The following NQO2 variants were observed in gnomAD, a reference collection of about 807,000 sequenced individuals.
NQO2 encodes the protein ribosyldihydronicotinamide dehydrogenase [quinone].
A neutral mutation model predicts 22.0 loss-of-function variants in NQO2; 18 were observed. The ratio of observed to expected loss-of-function variants is 0.82; its 90% CI spans 0.56 to 1.21. The LOEUF is 1.21. Among genes scored for constraint, NQO2 ranks in the 50% most tolerant of loss-of-function variants. The pLI is 0.00. For missense variants in NQO2, 267 were observed against 286.9 expected (o/e 0.93, Z 0.50); for synonymous variants, 106 against 110.8 (o/e 0.96, Z 0.28).
intron 3 of NQO2, 82 bp from the exon 4 acceptor site, chr6:3,012,462 T>A (rs1014381722): frequency 6.3e-6 from 10 of 1,582,206 alleles, no homozygotes; most frequent in Non-Finnish European, 7.7e-6. Context: ...AGGAGTCCGG[T>A]ATACACAGTG....
chr6:3,012,792 C>T (rs1757182024), intron 4 of NQO2, 118 bp downstream of exon 4: 1 of 1,010,322 alleles, frequency 9.9e-7, no homozygotes, highest in East Asian at 2.6e-5. Context: ...CACAGTTGCA[C>T]ACTTACTGAG....
Position 3,004,748 on chromosome 6 carries a change from C to T in NQO2, c.-85-1720C>T, listed in dbSNP as rs115765433. 3,773 of 540,622 alleles carry T rather than the reference C, an allele frequency of 7.0e-3. 64 individuals carry two copies. The highest frequency in any genetic ancestry group is 0.046 in the African/African-American group (2,234 of 48,884). 33.5% of individuals were successfully genotyped at this position (540,622 alleles called of 1,614,324 possible). On this transcript the variant is annotated intron_variant, in intron 1 of 6. Coordinates refer to ENST00000380455, the MANE Select transcript of NQO2 (RefSeq NM_000904.6). ...CGTTGTCGTTTGGACACAACATGCGCGATGCGTGTCTTCACACTAAGCCCT... is the reference window on the plus strand; with the variant it reads ...CGTTGTCGTTTGGACACAACATGCGTGATGCGTGTCTTCACACTAAGCCCT...
intron 4 of NQO2, 145 bp downstream of exon 4, chr6:3,012,819 G>C: frequency 1.3e-6 from 1 of 770,898 alleles, no homozygotes; most frequent in Non-Finnish European, 2.0e-6. Context: ...TTGTAACCTG[G>C]TTACAACACC....
At position 2,999,922 on chromosome 6, in the gene NQO2, C is replaced by G. The variant is rs1315377389; in HGVS notation, c.-249C>G. On this transcript the variant is annotated 5_prime_UTR_variant, in exon 1 of 7. Coordinates refer to ENST00000380455, the MANE Select transcript of NQO2 (RefSeq NM_000904.6). ...GGTTCCGGGCTGCTTAGGTTGGCAC[C>G]GGTCCGTGGTCCCCGGGGGCGCAGT... 2 of 152,326 alleles carry G rather than the reference C, an allele frequency of 1.3e-5. No homozygotes were observed. The highest frequency in any genetic ancestry group is 1.9e-4 in the East Asian group (1 of 5,186). The allele number at this position is 152,326 out of a possible 1,614,324, so 9.4% of individuals were successfully genotyped here.
At chr6:3,017,079 T>C (rs912623358) in intron 6 of NQO2, 94 bp downstream of exon 6, 5 of 1,411,292 alleles carry the variant, frequency 3.5e-6, no homozygotes, top group African/African-American at 1.4e-5. Context: ...CGCACACACA[T>C]ACATGCCCTC....
chr6:3,001,874 G>T (rs1245643302), intron 1 of NQO2, among the ~76,000 whole-genome samples: 1 of 152,196 alleles, frequency 6.6e-6, no homozygotes, highest in African/African-American at 2.4e-5. Flanking sequence ...TGTGGATGGG[G>T]TGCCAAGGGA....
At chr6:3,008,998 C>T (rs1203112704) in intron 2 of NQO2, among the ~76,000 whole-genome samples, 5 of 152,130 alleles carry the variant, frequency 3.3e-5, no homozygotes, top group African/African-American at 9.7e-5. Context: ...GTTTTGGGCA[C>T]CATTGTCATT....
chr6:3,012,944 T>A (rs1476905233), intron 4 of NQO2, among the ~76,000 whole-genome samples: 1 of 122,304 alleles, frequency 8.2e-6, no homozygotes, highest in African/African-American at 3.1e-5. Context: ...GATGTAACAC[T>A]ACTTTTTTTT....
rs563477953 is a variant in NQO2 at position 3,004,044 on chromosome 6, A to G, written c.-85-2424A>G. 322 of 155,726 alleles carry G rather than the reference A, an allele frequency of 2.1e-3. 3 individuals carry two copies. The highest frequency in any genetic ancestry group is 3.9e-3 in the Non-Finnish European group (277 of 71,292). The allele number at this position is 155,726 out of a possible 1,614,324, so 9.6% of individuals were successfully genotyped here. A position where few individuals can be genotyped will look rare whatever the true frequency, so the allele number is the denominator to read the frequency against. ...ACAAGAAGGCTGACTGAGCCCTAAC[A>G]TCATCCCACAGTCCAGCTGGGAAGA... On this transcript the variant is annotated intron_variant, in intron 1 of 6. Coordinates refer to ENST00000380455, the MANE Select transcript of NQO2 (RefSeq NM_000904.6).
At chr6:3,016,646 C>A in intron 5 of NQO2, 1 of 624,916 alleles carries the variant, frequency 1.6e-6, no homozygotes, top group Non-Finnish European at 2.0e-6. Flanking sequence ...AGGTTTCCAC[C>A]AGCAACCTGG....
chr6:3,014,538 C>T (rs1031801651), intron 4 of NQO2, among the ~76,000 whole-genome samples: 1 of 152,220 alleles, frequency 6.6e-6, no homozygotes, highest in Non-Finnish European at 1.5e-5. Flanking sequence ...ACTCCCATAA[C>T]CCGGTGGCTG....
intron 5 of NQO2, 148 bp downstream of exon 5, chr6:3,015,791 A>C: frequency 1.4e-6 from 1 of 730,772 alleles, no homozygotes; most frequent in South Asian, 1.9e-5. Context: ...CATGTGCTGC[A>C]CACGGGTGGA....
intron 3 of NQO2, among the ~76,000 whole-genome samples, chr6:3,011,005 G>A (rs1264794728): frequency 6.6e-6 from 1 of 151,752 alleles, no homozygotes; most frequent in Non-Finnish European, 1.5e-5. Flanking sequence ...GCAAATATAT[G>A]TAATAAAAAT....
rs538337212 is a variant in NQO2 at position 3,019,517 on chromosome 6, C to T, written c.558C>T (p.Ala186=). Reference sequence around the variant, plus strand: ...ACTTCTGTGGATTTAAAGTCCTTGCCCCTCAGATCAGCTTTGCTCCTGAAA... The same window carrying T: ...ACTTCTGTGGATTTAAAGTCCTTGCTCCTCAGATCAGCTTTGCTCCTGAAA... ...TLHFCGFKVL[A]PQISFAPEIA... is the part of the protein sequence containing the mutation. The change falls in exon 7 of 7, where the codon GCC becomes GCT. Residue 186 remains alanine, a synonymous_variant. Transcript: ENST00000380455. 3 of 1,614,076 alleles carry T rather than the reference C, an allele frequency of 1.9e-6. No homozygotes were observed. Among genetic ancestry groups the T allele is most frequent in the East Asian group, 2.2e-5 (1 of 44,888 alleles).
At chr6:3,000,559 C>T (rs912179019) in intron 1 of NQO2, among the ~76,000 whole-genome samples, 1 of 151,836 alleles carries the variant, frequency 6.6e-6, no homozygotes, top group Non-Finnish European at 1.5e-5. Context: ...TTTTTTTCCC[C>T]GAGACGGAGT....
intron 4 of NQO2, 91 bp from the exon 5 acceptor site, chr6:3,015,439 G>A (rs545972654): frequency 8.3e-4 from 1,262 of 1,513,574 alleles, no homozygotes; most frequent in Admixed American, 1.7e-3. Flanking sequence ...GAGGAGGGCT[G>A]TGGGCTTCAT....
Position 3,006,662 on chromosome 6 carries a change from C to A in NQO2, c.7+103C>A. The A allele has an allele frequency of 1.7e-6, 2 of 1,193,696 alleles. No individual in the cohort carries two copies. The highest frequency in any genetic ancestry group is 2.3e-6 in the Non-Finnish European group (2 of 875,018). The allele number at this position is 1,193,696 out of a possible 1,614,324, so 73.9% of individuals were successfully genotyped here. A position where few individuals can be genotyped will look rare whatever the true frequency, so the allele number is the denominator to read the frequency against. ...AACTCCTGAGCTCAAGTGACCCTCC[C>A]ACATTGACCTTCCAGGTGGGAGTTA... On this transcript the variant is annotated intron_variant, in intron 2 of 6. Coordinates refer to ENST00000380455, the MANE Select transcript of NQO2 (RefSeq NM_000904.6). This position sits in a 1 kb window ranked among gnomAD's most constrained non-coding sequence, Gnocchi z 4.0.
intron 2 of NQO2, among the ~76,000 whole-genome samples, chr6:3,008,503 A>G (rs1290377500): frequency 6.6e-6 from 1 of 152,156 alleles, no homozygotes; most frequent in Non-Finnish European, 1.5e-5. Context: ...TAATCCCAGC[A>G]CTTTGGGAGG....
chr6:3,018,151 A>G (rs922571809), intron 6 of NQO2, among the ~76,000 whole-genome samples: 1 of 152,138 alleles, frequency 6.6e-6, no homozygotes, highest in Non-Finnish European at 1.5e-5. Flanking sequence ...TTTGACCCCG[A>G]CCATTTGCTG....
Sources: allele counts gnomAD v4.1 joint callset (sites outside exome capture counted in the v4.1 genomes callset), GRCh38; gene constraint gnomAD v4.1.1; non-coding constraint Gnocchi (gnomAD v3.1); transcripts MANE v1.5; gene names NCBI Gene and HGNC (gene_info 2026-07-23, HGNC 2026-07-21).